The following TSBP1 variants were observed in gnomAD, a reference collection of about 807,000 sequenced individuals.
TSBP1 encodes testis expressed basic protein 1, also known as testis-expressed basic protein 1.
A neutral mutation model predicts 68.8 loss-of-function variants in TSBP1; 56 were observed. The ratio of observed to expected loss-of-function variants is 0.81; its 90% CI spans 0.66 to 1.02. The LOEUF (loss-of-function observed/expected upper bound fraction) is 1.02. Among genes scored for constraint, TSBP1 ranks in the 50% least tolerant of loss-of-function variants. TSBP1 has a pLI of 0.00. For missense variants in TSBP1, 502 were observed against 641.2 expected (o/e 0.78, Z 2.34); for synonymous variants, 171 against 208.7 (o/e 0.82, Z 1.56).
intron 6 of TSBP1, among the ~76,000 whole-genome samples, chr6:32,355,901 A>C (rs2127639695): frequency 6.6e-6 from 1 of 152,352 alleles, no homozygotes; most frequent in Middle Eastern, 3.4e-3. Context: ...CTATACATGC[A>C]AACATTGAAA....
intron 15 of TSBP1, among the ~76,000 whole-genome samples, chr6:32,331,595 T>C (rs1769023684): frequency 6.6e-6 from 1 of 152,142 alleles, no homozygotes; most frequent in African/African-American, 2.4e-5. Flanking sequence ...GAAACATCCC[T>C]GTCATATTCA....
At chr6:32,296,290 A>G (rs1262404973) in intron 22 of TSBP1, among the ~76,000 whole-genome samples, 2 of 152,230 alleles carry the variant, frequency 1.3e-5, no homozygotes, top group Non-Finnish European at 2.9e-5. Context: ...TAGATAAGAA[A>G]CTAATTATAA....
At chr6:32,322,356 A>G (rs148218080) in intron 18 of TSBP1, 130 bp downstream of exon 20, 2 of 679,806 alleles carry the variant, frequency 2.9e-6, no homozygotes, top group Non-Finnish European at 5.2e-6. Flanking sequence ...GTTGACTTGC[A>G]GTCCTAATCT....
intron 19 of TSBP1, among the ~76,000 whole-genome samples, chr6:32,310,858 G>A (rs9268199): frequency 0.87 from 131,904 of 151,468 alleles, 57,840 homozygotes; most frequent in African/African-American, 0.97. Context: ...TTTTCATGCT[G>A]TACTAGCTGT....
At chr6:32,349,992 A>G (rs1336086051) in intron 8 of TSBP1, 6 of 727,812 alleles carry the variant, frequency 8.2e-6, no homozygotes, top group African/African-American at 3.5e-5. Context: ...CTGTCTTTCA[A>G]TTTTGGTAAG....
chr6:32,293,828 T>C (rs1764421279), exon 23 of TSBP1: 1 of 1,613,102 alleles, frequency 6.2e-7, no homozygotes, highest in African/African-American at 1.3e-5. Flanking sequence ...TTTCTCTAAA[T>C]CAGTGCCTTT....
At chr6:32,294,249 T>C in intron 22 of TSBP1, 1 of 646,174 alleles carries the variant, frequency 1.5e-6, no homozygotes, top group Non-Finnish European at 2.7e-6. Flanking sequence ...GGAAGATTAA[T>C]GAGAGAAAAG....
At chr6:32,341,047 C>T (rs1770284599) in intron 9 of TSBP1, among the ~76,000 whole-genome samples, 4 of 152,254 alleles carry the variant, frequency 2.6e-5, no homozygotes, top group Middle Eastern at 3.4e-3. Flanking sequence ...CCCCTCACCT[C>T]GGCCTCCCAA....
At chr6:32,310,333 G>C (rs988587908) in intron 19 of TSBP1, among the ~76,000 whole-genome samples, 2 of 151,908 alleles carry the variant, frequency 1.3e-5, no homozygotes, top group African/African-American at 4.8e-5. Context: ...ATGATCTGAG[G>C]ATTTATGTCT....
intron 8 of TSBP1, among the ~76,000 whole-genome samples, chr6:32,353,229 C>T (rs994637450): frequency 2.0e-5 from 3 of 151,836 alleles, no homozygotes; most frequent in African/African-American, 7.2e-5. Flanking sequence ...TATTAGAACT[C>T]TAAGAGCACA....
In TSBP1 at chr6:32,321,657, G is replaced by A. The variant is rs1432705851; in HGVS notation, c.559+1460C>T. 1.3e-5 allele frequency among the ~76,000 whole-genome samples: 2 copies of A among 152,136 alleles called. No homozygotes were observed. Among genetic ancestry groups the A allele is most frequent in the Non-Finnish European group, 2.9e-5 (2 of 68,020 alleles). Reference sequence around the variant, plus strand: ...TGGATGAGGACTTTGGAGAGACACTGGCTAATTCTGTGTTAATAGCTCCAA... The same window carrying A: ...TGGATGAGGACTTTGGAGAGACACTAGCTAATTCTGTGTTAATAGCTCCAA... On this transcript the variant is annotated intron_variant, in intron 18 of 22. Transcript: ENST00000612031. The surrounding 1 kb of genome is among the most constrained non-coding windows in gnomAD (Gnocchi z 4.3).
rs1056180733 is a variant in TSBP1 at position 32,335,110 on chromosome 6, T to C, written c.472+327A>G. Among the ~76,000 whole-genome samples the C allele has an allele frequency of 6.6e-6, 1 of 152,200 alleles. No individual in the cohort carries two copies. The highest frequency in any genetic ancestry group is 2.4e-5 in the African/African-American group (1 of 41,448). On this transcript the variant is annotated intron_variant, in intron 14 of 22. Coordinates refer to ENST00000612031, the Ensembl canonical transcript of TSBP1. This position sits in a 1 kb window ranked among gnomAD's most constrained non-coding sequence, Gnocchi z 5.5. ...GATAATCTAATAATGGAAAAATTAT[T>C]TGCATGGAAAGCACAGCAGGAAGTT...
intron 8 of TSBP1, among the ~76,000 whole-genome samples, chr6:32,354,611 A>C (rs1182812801): frequency 2.6e-5 from 4 of 152,146 alleles, no homozygotes; most frequent in Non-Finnish European, 4.4e-5. Context: ...CCATCTACTT[A>C]AGGACTGTCT....
At chr6:32,310,761 A>ATATATATATATATATATTTTTTT in intron 19 of TSBP1, among the ~76,000 whole-genome samples, 2 of 144,804 alleles carry the variant, frequency 1.4e-5, no homozygotes, top group East Asian at 4.0e-4. Context: ...ATATATATAT[A>ATATATATATATATATATTTTTTT]TTTTTAATCT....
In TSBP1 at chr6:32,365,263, T is replaced by G. The variant is rs1037745867; in HGVS notation, c.217+904A>C. The G allele has an allele frequency of 8.8e-6, 4 of 454,064 alleles. No individual in the cohort carries two copies. The highest frequency in any genetic ancestry group is 1.8e-5 in the Non-Finnish European group (4 of 225,828). 28.1% of individuals were successfully genotyped at this position (454,064 alleles called of 1,614,324 possible). ...AGTCCAGGTTCTGAGAGCCTTCCCTTTGTTTTCCCTAGGGTGGTGCTCTGG... is the reference window on the plus strand; with the variant it reads ...AGTCCAGGTTCTGAGAGCCTTCCCTGTGTTTTCCCTAGGGTGGTGCTCTGG... On this transcript the variant is annotated intron_variant, in intron 6 of 22. Coordinates refer to ENST00000612031, the Ensembl canonical transcript of TSBP1. This position sits in a 1 kb window ranked among gnomAD's most constrained non-coding sequence, Gnocchi z 4.3.
chr6:32,312,214 A>G (rs543174792), intron 19 of TSBP1, among the ~76,000 whole-genome samples: 12 of 152,318 alleles, frequency 7.9e-5, no homozygotes, highest in African/African-American at 2.9e-4. Context: ...ACATCAAAGG[A>G]CAGTCAGTCT....
Position 32,315,145 on chromosome 6 carries a change from C to G in TSBP1, c.580+627G>C, listed in dbSNP as rs1766810376. Among the ~76,000 whole-genome samples the G allele has an allele frequency of 6.6e-6, 1 of 152,182 alleles. No homozygotes were observed. Among genetic ancestry groups the G allele is most frequent in the Non-Finnish European group, 1.5e-5 (1 of 68,038 alleles). ...AGAACCAGATTTGCATTTTGGAAAA[C>G]TAGGACACAGTGTGAAAGGTGCTTT... On this transcript the variant is annotated intron_variant, in intron 19 of 22. Transcript: ENST00000612031. This position sits in a 1 kb window ranked among gnomAD's most constrained non-coding sequence, Gnocchi z 5.4.
intron 18 of TSBP1, 133 bp from the exon 20 acceptor site, chr6:32,322,639 C>A: frequency 1.6e-6 from 1 of 642,376 alleles, no homozygotes; most frequent in East Asian, 2.6e-5. Flanking sequence ...CCAAACCACC[C>A]TATAGATTAT....
intron 3 of TSBP1, among the ~76,000 whole-genome samples, chr6:32,368,346 T>A (rs1344690316): frequency 6.6e-6 from 1 of 152,214 alleles, no homozygotes; most frequent in Non-Finnish European, 1.5e-5. Context: ...AAGTTGGTAC[T>A]CTTGTCAATC....
Sources: gnomAD v4.1 joint callset for allele counts (sites outside exome capture counted in the v4.1 genomes callset) on GRCh38, gnomAD v4.1.1 for gene constraint, Gnocchi (gnomAD v3.1) non-coding constraint, MANE v1.5 for transcripts, NCBI Gene and HGNC (gene_info 2026-07-23, HGNC 2026-07-21) for gene names.